SYT1: variants seen among roughly 807,000 people sequenced by gnomAD.
The protein encoded by SYT1 is synaptotagmin 1, also known as synaptotagmin-1.
A neutral mutation model predicts 44.8 loss-of-function variants in SYT1; 8 were observed. The ratio of observed to expected loss-of-function variants is 0.18; its 90% CI spans 0.10 to 0.32. The LOEUF (loss-of-function observed/expected upper bound fraction) is 0.32. SYT1 is among the 10% of genes least tolerant of loss of function. The pLI, the probability that SYT1 is intolerant of heterozygous loss-of-function variation, is 1.00. For synonymous variants in SYT1, 154 were observed against 188.8 expected, an observed-to-expected ratio of 0.82 and a Z score of 1.51; for missense variants, 286 against 509.3, an observed-to-expected ratio of 0.56 and a Z score of 4.22.
intron 3 of SYT1, among the ~76,000 whole-genome samples, chr12:79,062,168 A>C (rs763508068): frequency 1.1e-3 from 165 of 152,222 alleles, no homozygotes; most frequent in Non-Finnish European, 2.0e-3. Flanking sequence ...TGGGTGAGGC[A>C]CTAAAGCCAG....
intron 3 of SYT1, among the ~76,000 whole-genome samples, chr12:79,093,753 C>T (rs1189725667): frequency 6.6e-6 from 1 of 151,624 alleles, no homozygotes; most frequent in Non-Finnish European, 1.5e-5. Context: ...TTATAACTTT[C>T]CTCACCAAAA....
chr12:79,180,919 G>C (rs1872499980), intron 3 of SYT1, among the ~76,000 whole-genome samples: 2 of 152,002 alleles, frequency 1.3e-5, no homozygotes, highest in Admixed American at 6.6e-5. Flanking sequence ...CATGGGGGCA[G>C]TTACCTCCAT....
intron 9 of SYT1, among the ~76,000 whole-genome samples, chr12:79,366,894 CTGTGTGTGTGTGTGTGTGTGTGTG>C (rs3995413): frequency 5.1e-5 from 6 of 117,424 alleles, no homozygotes; most frequent in Admixed American, 1.8e-4. Flanking sequence ...ATAAATAATA[CTGTGTGTGTGTGTGTGTGTGTGTG>C]TGTGTGTGTG....
chr12:79,371,056 C>T (rs1326421791), intron 9 of SYT1, among the ~76,000 whole-genome samples: 2 of 152,126 alleles, frequency 1.3e-5, no homozygotes, highest in East Asian at 1.9e-4. Flanking sequence ...TAGTTATAAT[C>T]TAGTCAGTGC....
chr12:79,119,807 T>C (rs1031872404), intron 3 of SYT1, among the ~76,000 whole-genome samples: 1 of 152,212 alleles, frequency 6.6e-6, no homozygotes, highest in Non-Finnish European at 1.5e-5. Context: ...AAGTTGTTTT[T>C]TTTTTCTAAG....
At chr12:78,967,996 A>G (rs943324724) in intron 1 of SYT1, among the ~76,000 whole-genome samples, 2 of 152,164 alleles carry the variant, frequency 1.3e-5, no homozygotes, top group African/African-American at 4.8e-5. Flanking sequence ...GGATTTGACA[A>G]CCAGGACTTT....
intron 3 of SYT1, among the ~76,000 whole-genome samples, chr12:79,178,912 A>G (rs1872078853): frequency 7.4e-6 from 1 of 135,084 alleles, no homozygotes; most frequent in Non-Finnish European, 1.5e-5. Context: ...CCACACCCAG[A>G]TATAGATATA....
chr12:79,026,669 AT>A (rs1872552467), intron 2 of SYT1, among the ~76,000 whole-genome samples: 1 of 26,384 alleles, frequency 3.8e-5, no homozygotes, highest in African/African-American at 1.7e-4. Context: ...TATATATTTT[AT>A]ATATATATAT....
chr12:79,007,049 A>G (rs546045413), intron 2 of SYT1, among the ~76,000 whole-genome samples: 10 of 152,190 alleles, frequency 6.6e-5, no homozygotes, highest in Admixed American at 1.3e-4. Context: ...AGTGTTTTCA[A>G]TGTGAAACTA....
In SYT1 at chr12:79,131,135, G is replaced by A. The variant is rs1271521609; in HGVS notation, c.-18+83773G>A. Among the ~76,000 whole-genome samples the A allele has an allele frequency of 2.3e-5, 3 of 131,880 alleles. No homozygotes were observed. In the East Asian group the frequency reaches 6.5e-4, roughly 29 times the overall value. 86.5% of individuals were successfully genotyped at this position (131,880 alleles called of 152,430 possible). On this transcript the variant is annotated intron_variant, in intron 3 of 10. Coordinates refer to ENST00000261205, the MANE Select transcript of SYT1 (RefSeq NM_005639.3). Reference sequence around the variant, plus strand: ...GTGTTTTCTTTTTTTTTTTTTCTTTGCCCATTGTTTTATTATACTTTAAGT... The same window carrying A: ...GTGTTTTCTTTTTTTTTTTTTCTTTACCCATTGTTTTATTATACTTTAAGT...
chr12:79,270,662 C>T lies in SYT1; in HGVS notation c.167-15125C>T, dbSNP rs370002333. On this transcript the variant is annotated intron_variant, in intron 4 of 10. Transcript: ENST00000261205. ...AAATACAAAAGACAATGAATTATGC[C>T]GTAGATTAAACCAAGATCCCAGTGA... 2.2e-4 allele frequency among the ~76,000 whole-genome samples: 33 copies of T among 152,164 alleles called. 1 individual carries two copies. Among genetic ancestry groups the T allele is most frequent in the African/African-American group, 7.7e-4 (32 of 41,530 alleles).
chr12:78,947,491 G>T (rs2137278923), intron 1 of SYT1, among the ~76,000 whole-genome samples: 1 of 144,168 alleles, frequency 6.9e-6, no homozygotes, highest in Admixed American at 7.1e-5. Context: ...CCAGATGACA[G>T]AGACAGTGTC....
At chr12:79,144,624 G>T (rs12297890) in intron 3 of SYT1, among the ~76,000 whole-genome samples, 20,511 of 152,168 alleles carry the variant, frequency 0.13, 1,861 homozygotes, top group African/African-American at 0.25. Context: ...GGGTCAGCCA[G>T]TGCAACTATT....
At chr12:78,888,324 C>T (rs775429764) in intron 1 of SYT1, among the ~76,000 whole-genome samples, 75 of 151,808 alleles carry the variant, frequency 4.9e-4, no homozygotes, top group South Asian at 1.7e-3. Context: ...TGTACAATTA[C>T]CCTGGTAAAT....
At chr12:78,886,397 A>G (rs1340105728) in intron 1 of SYT1, among the ~76,000 whole-genome samples, 2 of 151,996 alleles carry the variant, frequency 1.3e-5, no homozygotes, top group East Asian at 3.9e-4. Context: ...TTCATTTTAA[A>G]CAAAAACAGA....
chr12:78,926,566 T>C (rs988675214), intron 1 of SYT1: 1 of 151,996 alleles, frequency 6.6e-6, no homozygotes, highest in Non-Finnish European at 1.5e-5. Flanking sequence ...CATAAGAAAT[T>C]TTAAAACATT....
intron 2 of SYT1, among the ~76,000 whole-genome samples, chr12:79,039,299 C>T (rs1001048969): frequency 4.6e-5 from 7 of 151,962 alleles, no homozygotes; most frequent in Non-Finnish European, 7.4e-5. Flanking sequence ...ACAACCCTAC[C>T]TAAACAGATT....
intron 9 of SYT1, among the ~76,000 whole-genome samples, chr12:79,380,668 A>G (rs1423426509): frequency 1.3e-5 from 2 of 152,196 alleles, no homozygotes; most frequent in East Asian, 3.9e-4. Flanking sequence ...GATTGCTGGC[A>G]TGAGCCATCA....
chr12:79,307,043 T>C (rs1880431011), intron 8 of SYT1, among the ~76,000 whole-genome samples: 1 of 152,194 alleles, frequency 6.6e-6, no homozygotes, highest in South Asian at 2.1e-4. Flanking sequence ...AGCAATATTT[T>C]TTATCTTGTT....
Sources: gnomAD v4.1 joint callset for allele counts (sites outside exome capture counted in the v4.1 genomes callset) on GRCh38, gnomAD v4.1.1 for gene constraint, MANE v1.5 for transcripts, NCBI Gene and HGNC (gene_info 2026-07-23, HGNC 2026-07-21) for gene names.